The following ARID4B variants were observed in gnomAD, a reference collection of about 807,000 sequenced individuals.
ARID4B encodes AT-rich interactive domain-containing protein 4B.
In ARID4B, 26 loss-of-function variants were observed where a neutral mutation model predicts 147.5. The observed-to-expected ratio is 0.18, with a 90% CI of 0.13 to 0.24. The LOEUF (loss-of-function observed/expected upper bound fraction) is 0.24. Among genes scored for constraint, ARID4B ranks in the 10% least tolerant of loss-of-function variants. ARID4B has a pLI of 1.00. For synonymous variants in ARID4B, 512 were observed against 507.9 expected, an observed-to-expected ratio of 1.01 and a Z score of -0.11; for missense variants, 1,179 against 1,511.5, an observed-to-expected ratio of 0.78 and a Z score of 3.65.
At chr1:235,327,381 G>C (rs966762504) in intron 1 of ARID4B, 9 of 152,458 alleles carry the variant, frequency 5.9e-5, no homozygotes, top group Admixed American at 5.9e-4. Flanking sequence ...GGGGCCAGGA[G>C]GGCCTGTGGG....
intron 16 of ARID4B, among the ~76,000 whole-genome samples, chr1:235,217,792 TG>T: frequency 6.6e-6 from 1 of 152,296 alleles, no homozygotes; most frequent in East Asian, 1.9e-4. Context: ...TAATTATCAC[TG>T]TAAAATTTTC....
At chr1:235,297,847 T>C (rs1194795526) in intron 2 of ARID4B, among the ~76,000 whole-genome samples, 2 of 152,116 alleles carry the variant, frequency 1.3e-5, no homozygotes, top group African/African-American at 4.8e-5. Flanking sequence ...CTTCATCAAA[T>C]AAAGGGCATG....
chr1:235,245,332 T>TA (rs1356388265), intron 7 of ARID4B, among the ~76,000 whole-genome samples: 1 of 152,112 alleles, frequency 6.6e-6, no homozygotes, highest in East Asian at 1.9e-4. Context: ...GAAGAGGAAA[T>TA]AAAAAATAAC....
chr1:235,311,200 T>C (rs1674023722), intron 2 of ARID4B, among the ~76,000 whole-genome samples: 1 of 151,572 alleles, frequency 6.6e-6, no homozygotes, highest in Admixed American at 6.6e-5. Context: ...CTAGAAAATA[T>C]AAAAAATCAA....
chr1:235,261,339 G>A (rs1348831807), intron 2 of ARID4B, among the ~76,000 whole-genome samples: 1 of 152,058 alleles, frequency 6.6e-6, no homozygotes, highest in African/African-American at 2.4e-5. Flanking sequence ...AAGCAACATA[G>A]GGAAAACTCA....
intron 6 of ARID4B, among the ~76,000 whole-genome samples, chr1:235,250,110 A>AAATAAT (rs944963122): frequency 7.9e-5 from 12 of 151,622 alleles, no homozygotes; most frequent in African/African-American, 2.9e-4. Context: ...CCGTCTCAAA[A>AAATAAT]AATAATAATA....
At chr1:235,188,396 T>A (rs1436736289) in intron 19 of ARID4B, among the ~76,000 whole-genome samples, 1 of 151,996 alleles carries the variant, frequency 6.6e-6, no homozygotes, top group South Asian at 2.1e-4. Flanking sequence ...CTATGAAAAT[T>A]AAAAAGGGCA....
At chr1:235,280,177 A>G (rs901338771) in intron 2 of ARID4B, among the ~76,000 whole-genome samples, 1 of 152,196 alleles carries the variant, frequency 6.6e-6, no homozygotes, top group African/African-American at 2.4e-5. Flanking sequence ...AGTAACTTCA[A>G]GTCTAAAACA....
chr1:235,285,201 C>CA (rs1219158613), intron 2 of ARID4B, among the ~76,000 whole-genome samples: 1 of 152,150 alleles, frequency 6.6e-6, no homozygotes, highest in Non-Finnish European at 1.5e-5. Flanking sequence ...CCATCACGCC[C>CA]AGCCCAAAAA....
intron 6 of ARID4B, among the ~76,000 whole-genome samples, chr1:235,251,576 T>C (rs1029091905): frequency 2.6e-5 from 4 of 152,096 alleles, no homozygotes; most frequent in Non-Finnish European, 5.9e-5. Context: ...GGTTAATAAG[T>C]AATATTAAAA....
intron 2 of ARID4B, among the ~76,000 whole-genome samples, chr1:235,323,130 TC>T (rs1331923942): frequency 2.0e-5 from 3 of 148,234 alleles, no homozygotes; most frequent in Non-Finnish European, 3.0e-5. Context: ...AACCTCCACC[TC>T]CTAGGTTCAA....
chr1:235,219,241 C>T (rs1253060463), intron 16 of ARID4B, among the ~76,000 whole-genome samples: 1 of 151,798 alleles, frequency 6.6e-6, no homozygotes, highest in Non-Finnish European at 1.5e-5. Flanking sequence ...TTTTTTAAGC[C>T]TCAGAAAAAA....
chr1:235,205,663 C>T (rs150816764), intron 17 of ARID4B, among the ~76,000 whole-genome samples: 2 of 152,222 alleles, frequency 1.3e-5, no homozygotes, highest in African/African-American at 4.8e-5. Context: ...ATATGAAGAA[C>T]TATAATTCAA....
intron 7 of ARID4B, among the ~76,000 whole-genome samples, chr1:235,243,183 C>T (rs1359213471): frequency 6.6e-6 from 1 of 151,910 alleles, no homozygotes; most frequent in Non-Finnish European, 1.5e-5. Context: ...AAAAAAGATG[C>T]ATTTATTTTT....
At chr1:235,321,777 G>A (rs1006641863) in intron 2 of ARID4B, among the ~76,000 whole-genome samples, 4 of 152,078 alleles carry the variant, frequency 2.6e-5, no homozygotes, top group African/African-American at 9.7e-5. Context: ...GGGATTACAG[G>A]TGTGAGCCAC....
At chr1:235,316,383 C>T (rs1266711446) in intron 2 of ARID4B, among the ~76,000 whole-genome samples, 1 of 151,926 alleles carries the variant, frequency 6.6e-6, no homozygotes, top group Admixed American at 6.6e-5. Flanking sequence ...GTGGCACACG[C>T]CTGTAATCCC....
In ARID4B at chr1:235,181,849, G is replaced by A; in HGVS notation, c.3070C>T (p.Pro1024Ser). 1.9e-6 allele frequency: 3 copies of A among 1,614,192 alleles called. No individual in the cohort carries two copies. The highest frequency in any genetic ancestry group is 2.5e-6 in the Non-Finnish European group (3 of 1,180,044). Residue 1024 changes from proline (P) to serine (S), a missense_variant, in exon 20 of 24, where the codon CCT (proline) becomes TCT (serine). This residue lies in a region of ARID4B where 357 missense variants were observed against 427.3 expected (regional missense o/e 0.84). Transcript: ENST00000264183. ...SGSNSVLNTP[P>S]TTPESPSSVT... ...GATGAAGGCGATTCAGGTGTAGTAG[G>A]AGGGGTATTTAGCACTGAATTACTG...
chr1:235,324,640 G>A (rs930910220), intron 2 of ARID4B, among the ~76,000 whole-genome samples: 2 of 152,146 alleles, frequency 1.3e-5, no homozygotes, highest in African/African-American at 4.8e-5. Context: ...AATGATCATC[G>A]TAATACAGAA....
intron 7 of ARID4B, among the ~76,000 whole-genome samples, chr1:235,242,689 T>G (rs1669066949): frequency 6.6e-6 from 1 of 152,188 alleles, no homozygotes; most frequent in Non-Finnish European, 1.5e-5. Context: ...AAATTGTAAC[T>G]TTTCTTAAGA....
Sources: allele counts gnomAD v4.1 joint callset (sites outside exome capture counted in the v4.1 genomes callset), GRCh38; gene constraint gnomAD v4.1.1; regional missense constraint gnomAD v4.1.1; transcripts MANE v1.5; gene names NCBI Gene and HGNC (gene_info 2026-07-23, HGNC 2026-07-21).